Variants in TLK2 observed in about 807,000 individuals in gnomAD.
The protein encoded by TLK2 is tousled like kinase 2.
A neutral mutation model predicts 117.3 loss-of-function variants in TLK2; 6 were observed. That is an observed-to-expected ratio of 0.05 (90% CI 0.03 to 0.10). The LOEUF (loss-of-function observed/expected upper bound fraction) is 0.10, where lower values mean the gene tolerates loss of function less well. Ranked by LOEUF, TLK2 falls within the 10% of genes least tolerant of loss-of-function variation. The pLI, the probability that TLK2 is intolerant of heterozygous loss-of-function variation, is 1.00. For missense variants in TLK2, 299 were observed against 901.2 expected (o/e 0.33, Z 8.56); for synonymous variants, 257 against 316.7 (o/e 0.81, Z 2.00).
chr17:62,555,411 C>T (rs2078780456), intron 9 of TLK2, among the ~76,000 whole-genome samples: 1 of 151,744 alleles, frequency 6.6e-6, no homozygotes, highest in Non-Finnish European at 1.5e-5. Flanking sequence ...TATATAAAAC[C>T]TGGAATTCAG....
In TLK2 at chr17:62,586,846, G is replaced by A. The variant is rs2081646726; in HGVS notation, c.1460+620G>A. Reference sequence around the variant, plus strand: ...CATCTCAAAAAAAAAAAAAATTGTTGCTTGTCTATAGAAACTAGACCCTAG... The same window carrying A: ...CATCTCAAAAAAAAAAAAAATTGTTACTTGTCTATAGAAACTAGACCCTAG... On this transcript the variant is annotated intron_variant, in intron 16 of 21. Transcript: ENST00000346027. Among the ~76,000 whole-genome samples, 2 of 150,850 alleles carry A rather than the reference G, an allele frequency of 1.3e-5. 1 individual carries two copies. Among genetic ancestry groups the A allele is most frequent in the African/African-American group, 4.9e-5 (2 of 41,168 alleles).
chr17:62,502,850 G>A (rs903753132), intron 2 of TLK2, among the ~76,000 whole-genome samples: 9 of 152,076 alleles, frequency 5.9e-5, no homozygotes, highest in African/African-American at 2.2e-4. Context: ...CTTGTTTCAT[G>A]GATGAAGGCA....
intron 2 of TLK2, among the ~76,000 whole-genome samples, chr17:62,485,102 G>T (rs2072183504): frequency 6.6e-6 from 1 of 152,102 alleles, no homozygotes; most frequent in Non-Finnish European, 1.5e-5. Flanking sequence ...GATCAAAAAA[G>T]ATTTCAGCCC....
chr17:62,612,320 A>T (rs2083863175), intron 21 of TLK2, 72 bp from the exon 22 acceptor site: 5 of 1,508,334 alleles, frequency 3.3e-6, no homozygotes, highest in Admixed American at 2.1e-5. Context: ...GGCAGCCGAT[A>T]GAGAGCCTTA....
At chr17:62,608,203 T>C (rs1447157021) in intron 21 of TLK2, 55 bp downstream of exon 21, 1 of 1,437,298 alleles carries the variant, frequency 7.0e-7, no homozygotes, top group Non-Finnish European at 9.6e-7. Context: ...CTTTCTGTAT[T>C]ACTTTTTTGG....
At chr17:62,569,274 C>T (rs1429421697) in intron 11 of TLK2, among the ~76,000 whole-genome samples, 2 of 149,948 alleles carry the variant, frequency 1.3e-5, no homozygotes, top group African/African-American at 4.9e-5. Context: ...TGCACTCCAG[C>T]CTGGGTGACA....
At chr17:62,516,512 G>T in intron 2 of TLK2, 2 of 1,607,964 alleles carry the variant, frequency 1.2e-6, no homozygotes, top group South Asian at 2.2e-5. Context: ...ATCTCCGGGG[G>T]CAGATGAAGG....
intron 12 of TLK2, among the ~76,000 whole-genome samples, chr17:62,573,839 C>T (rs2080522377): frequency 6.6e-6 from 1 of 152,092 alleles, no homozygotes; most frequent in Admixed American, 6.5e-5. Context: ...GACATTGTCC[C>T]AATAAGCCAC....
At chr17:62,486,268 T>TG (rs1481370202) in intron 2 of TLK2, among the ~76,000 whole-genome samples, 9 of 152,242 alleles carry the variant, frequency 5.9e-5, no homozygotes, top group African/African-American at 1.7e-4. Context: ...GCGATTCTCT[T>TG]GCCTCAGCCT....
intron 7 of TLK2, among the ~76,000 whole-genome samples, chr17:62,540,001 C>T (rs1315423332): frequency 5.3e-5 from 8 of 152,024 alleles, no homozygotes; most frequent in Non-Finnish European, 1.0e-4. Flanking sequence ...GTTCCCCACC[C>T]GAAACCCATT....
chr17:62,598,383 GA>G (rs1022960475), intron 17 of TLK2, among the ~76,000 whole-genome samples: 3 of 152,106 alleles, frequency 2.0e-5, no homozygotes, highest in African/African-American at 7.2e-5. Context: ...TTCTTGAGTT[GA>G]TTACTTTGTT....
intron 2 of TLK2, among the ~76,000 whole-genome samples, chr17:62,497,683 C>G (rs12943158): frequency 1.3e-5 from 2 of 152,164 alleles, no homozygotes; most frequent in African/African-American, 4.8e-5. Flanking sequence ...TCAAGCCAAT[C>G]TGACATTTGT....
intron 7 of TLK2, chr17:62,550,490 G>C (rs1598521358): frequency 6.6e-6 from 1 of 152,250 alleles, no homozygotes; most frequent in Non-Finnish European, 1.5e-5. Flanking sequence ...TAAGGACTGG[G>C]TCTGTGGTTT....
intron 2 of TLK2, among the ~76,000 whole-genome samples, chr17:62,519,918 C>T (rs552084138): frequency 6.6e-6 from 1 of 152,080 alleles, no homozygotes; most frequent in African/African-American, 2.4e-5. Flanking sequence ...TTTCCACTTG[C>T]GTAGTACCAC....
chr17:62,502,206 TAAC>T (rs2074263790), intron 2 of TLK2, among the ~76,000 whole-genome samples: 2 of 152,004 alleles, frequency 1.3e-5, no homozygotes, highest in Non-Finnish European at 2.9e-5. Flanking sequence ...AATAAAACCA[TAAC>T]TAATTGGATT....
chr17:62,525,011 G>A (rs997868354), intron 6 of TLK2, among the ~76,000 whole-genome samples: 13 of 152,284 alleles, frequency 8.5e-5, no homozygotes, highest in Non-Finnish European at 1.8e-4. Context: ...AATATCAGTG[G>A]TGCCAAGGTT....
At position 62,495,825 on chromosome 17, in the gene TLK2, AT is replaced by A. The variant is rs200081925; in HGVS notation, c.81+14630del. ...GGGCGCATGCTGCCGTGCCCAGCTA[AT>A]TTTTTTTTTTGTTTTTTAGTAGAGA... is the stretch of plus-strand genomic sequence containing the variant. On this transcript the variant is annotated intron_variant, in intron 2 of 21. Transcript: ENST00000346027. Among the ~76,000 whole-genome samples, 839 of 145,112 alleles carry A rather than the reference AT, an allele frequency of 5.8e-3. 5 individuals are homozygous for A. Among genetic ancestry groups the A allele is most frequent in the African/African-American group, 0.019 (746 of 39,778 alleles).
In TLK2 at chr17:62,613,002, T is replaced by G. The variant is rs2083908244; in HGVS notation, c.*437T>G. 1 of 152,846 alleles carries G rather than the reference T, an allele frequency of 6.5e-6. No individual in the cohort carries two copies. The highest frequency in any genetic ancestry group is 1.5e-5 in the Non-Finnish European group (1 of 68,200). The allele number at this position is 152,846 out of a possible 1,614,324, so 9.5% of individuals were successfully genotyped here. ...CTTGTTCTTTTCTTTTAATAAAGTT[T>G]AGGTAACATCTCCTGAAAAGCTTGT... On this transcript the variant is annotated 3_prime_UTR_variant, in exon 22 of 22. Transcript: ENST00000346027.
chr17:62,603,156 C>T (rs1019842566), intron 19 of TLK2, among the ~76,000 whole-genome samples: 2 of 152,170 alleles, frequency 1.3e-5, no homozygotes, highest in East Asian at 1.9e-4. Context: ...GCAGAGAGTA[C>T]TGACTGTCTG....
Sources: gnomAD v4.1 joint callset for allele counts (sites outside exome capture counted in the v4.1 genomes callset) on GRCh38, gnomAD v4.1.1 for gene constraint, MANE v1.5 for transcripts, NCBI Gene and HGNC (gene_info 2026-07-23, HGNC 2026-07-21) for gene names.